The following AGAP3 variants were observed in gnomAD, a reference collection of about 807,000 sequenced individuals.
The protein encoded by AGAP3 is ArfGAP with GTPase domain, ankyrin repeat and PH domain 3, also known as arf-GAP with GTPase, ANK repeat and PH domain-containing protein 3.
AGAP3 carries 24 observed loss-of-function variants against 96.9 expected under a neutral mutation model. That is an observed-to-expected ratio of 0.25 (90% CI 0.18 to 0.35). The LOEUF (loss-of-function observed/expected upper bound fraction) is 0.35. Among genes scored for constraint, AGAP3 ranks in the 10% least tolerant of loss-of-function variants. The pLI, the probability that AGAP3 is intolerant of heterozygous loss-of-function variation, is 1.00. For synonymous variants in AGAP3, 563 were observed against 536.1 expected (o/e 1.05, Z -0.69); for missense variants, 876 against 1,254.2 (o/e 0.70, Z 4.55).
chr7:151,111,744 C>T (rs915083185), intron 1 of AGAP3, among the ~76,000 whole-genome samples: 10 of 152,146 alleles, frequency 6.6e-5, no homozygotes, highest in African/African-American at 2.4e-4. Flanking sequence ...AGGCTGTGTT[C>T]GTCCTGCCCC....
intron 1 of AGAP3, among the ~76,000 whole-genome samples, chr7:151,107,310 CAA>C (rs1349995253): frequency 2.0e-4 from 14 of 70,008 alleles, no homozygotes; most frequent in Admixed American, 3.3e-4. Flanking sequence ...GACTCCGGCT[CAA>C]AAAAAAAAAA....
At chr7:151,117,603 T>A in intron 4 of AGAP3, 33 bp from the exon 5 acceptor site, 1 of 1,612,848 alleles carries the variant, frequency 6.2e-7, no homozygotes, top group Non-Finnish European at 8.5e-7. Context: ...CCAGGTCCAG[T>A]TGCGGGTGCT....
chr7:151,105,397 C>T lies in AGAP3; in HGVS notation c.332-11396C>T, dbSNP rs1340682979. Among the ~76,000 whole-genome samples, 3 of 152,148 alleles carry T rather than the reference C, an allele frequency of 2.0e-5. No homozygotes were observed. In the East Asian group the frequency reaches 5.8e-4, roughly 29 times the overall value. On this transcript the variant is annotated intron_variant, in intron 1 of 17. Transcript: ENST00000397238. ...CATTTTGTCATTATTTTGATATTTT[C>T]TTGCATTTTTTATACAGGTCCATAT... is the stretch of plus-strand genomic sequence containing the variant.
At chr7:151,089,077 C>T (rs977301009) in intron 1 of AGAP3, among the ~76,000 whole-genome samples, 3 of 152,156 alleles carry the variant, frequency 2.0e-5, no homozygotes, top group African/African-American at 7.2e-5. Flanking sequence ...CCTCCCTCCC[C>T]CCTGCCCAGC....
At chr7:151,117,900 G>A in intron 5 of AGAP3, 123 bp downstream of exon 5, 1 of 1,337,882 alleles carries the variant, frequency 7.5e-7, no homozygotes, top group Non-Finnish European at 9.9e-7. Context: ...GTGCTGACTG[G>A]GACCCTCAGC....
intron 1 of AGAP3, among the ~76,000 whole-genome samples, chr7:151,091,548 C>T (rs550142639): frequency 2.0e-5 from 3 of 152,282 alleles, no homozygotes; most frequent in South Asian, 2.1e-4. Flanking sequence ...CTGGAGAGAA[C>T]GACTCAGCCT....
intron 10 of AGAP3, among the ~76,000 whole-genome samples, chr7:151,130,418 C>T (rs1483991332): frequency 6.6e-6 from 1 of 152,102 alleles, no homozygotes; most frequent in African/African-American, 2.4e-5. Flanking sequence ...AAGACTTGGA[C>T]CCATGACTTT....
At chr7:151,102,663 C>T (rs528897152) in intron 1 of AGAP3, among the ~76,000 whole-genome samples, 41 of 151,540 alleles carry the variant, frequency 2.7e-4, no homozygotes, top group Middle Eastern at 3.4e-3. Flanking sequence ...CAGGCTGGAG[C>T]GCAGTGTCAT....
At chr7:151,098,737 T>TC (rs1191931296) in intron 1 of AGAP3, among the ~76,000 whole-genome samples, 3 of 147,824 alleles carry the variant, frequency 2.0e-5, no homozygotes, top group East Asian at 2.0e-4. Flanking sequence ...TCTTTTCTTT[T>TC]TTTTTTTTTT....
chr7:151,137,836 G>A (rs1800661528), intron 11 of AGAP3: 1 of 429,682 alleles, frequency 2.3e-6, no homozygotes, highest in Non-Finnish European at 4.1e-6. Flanking sequence ...GGCGATGGGT[G>A]TCAGCACCAC....
chr7:151,113,197 G>A (rs1034043936), intron 1 of AGAP3, among the ~76,000 whole-genome samples: 2 of 152,216 alleles, frequency 1.3e-5, no homozygotes, highest in Admixed American at 1.3e-4. Context: ...GCTCAGTGAC[G>A]TTGGCCGGCT....
At chr7:151,124,365 A>C (rs1199937468) in intron 9 of AGAP3, among the ~76,000 whole-genome samples, 1 of 152,160 alleles carries the variant, frequency 6.6e-6, no homozygotes, top group Non-Finnish European at 1.5e-5. Flanking sequence ...CCTCCTTTCT[A>C]GTCAGTCCTG....
At chr7:151,132,470 G>A (rs1800439029) in intron 10 of AGAP3, among the ~76,000 whole-genome samples, 1 of 152,230 alleles carries the variant, frequency 6.6e-6, no homozygotes, top group Non-Finnish European at 1.5e-5. Context: ...GGGAGTGTGG[G>A]CTCCTTCCTG....
Position 151,143,680 on chromosome 7 carries a change from A to C in AGAP3, c.2530-57A>C. 1 of 1,610,726 alleles carries C rather than the reference A, an allele frequency of 6.2e-7. No individual in the cohort carries two copies. The highest frequency in any genetic ancestry group is 8.5e-7 in the Non-Finnish European group (1 of 1,177,406). On this transcript the variant is annotated intron_variant, in intron 17 of 17. Coordinates refer to ENST00000397238, the MANE Select transcript of AGAP3 (RefSeq NM_031946.7). The surrounding 1 kb of genome is among the most constrained non-coding windows in gnomAD (Gnocchi z 5.9). ...AGCAACCTCTTCTTTCCTCCCCTACAACCAATCTCTCTCCTCCCATGTCTT... is the reference window on the plus strand; with the variant it reads ...AGCAACCTCTTCTTTCCTCCCCTACCACCAATCTCTCTCCTCCCATGTCTT...
intron 1 of AGAP3, among the ~76,000 whole-genome samples, chr7:151,088,934 T>TCGGCCTCACCCTCGTGAAATCC (rs1798266742): frequency 6.6e-6 from 1 of 152,122 alleles, no homozygotes. Flanking sequence ...GCCTGGAAGC[T>TCGGCCTCACCCTCGTGAAATCC]CGGCCTCACC....
At chr7:151,119,853 G>A (rs966456978) in intron 7 of AGAP3, 134 bp from the exon 8 acceptor site, 2 of 744,382 alleles carry the variant, frequency 2.7e-6, no homozygotes, top group Admixed American at 5.4e-5. Context: ...CATATCATCT[G>A]TAGGGGCTAG....
At position 151,086,909 on chromosome 7, in the gene AGAP3, G is replaced by A; in HGVS notation, c.168G>A (p.Gly56=). ...GCCCCTCGCAGCAGCTGGCCGGCGGGCCCCCCCAGCAGTTCGCGCTCTCCA... is the reference window on the plus strand; with the variant it reads ...GCCCCTCGCAGCAGCTGGCCGGCGGACCCCCCCAGCAGTTCGCGCTCTCCA... ...GGGPSQQLAG[G]PPQQFALSNS... is the part of the protein sequence containing the mutation. Residue 56 remains glycine, a synonymous_variant, in exon 1 of 18, where the codon GGG becomes GGA. Transcript: ENST00000397238. The A allele has an allele frequency of 6.7e-7, 1 of 1,482,300 alleles. No individual in the cohort carries two copies. The highest frequency in any genetic ancestry group is 1.4e-5 in the South Asian group (1 of 72,658). The allele number at this position is 1,482,300 out of a possible 1,614,324, so 91.8% of individuals were successfully genotyped here.
Position 151,142,702 on chromosome 7 carries a change from G to T in AGAP3, c.2273+68G>T. ...CGTTGGGGGCTCCCAGCATGGGGAA[G>T]ATTGGAGTGGCTGTGATGGTATTAG... On this transcript the variant is annotated intron_variant, in intron 16 of 17. Coordinates refer to ENST00000397238, the MANE Select transcript of AGAP3 (RefSeq NM_031946.7). This position sits in a 1 kb window ranked among gnomAD's most constrained non-coding sequence, Gnocchi z 7.5. 6.6e-7 allele frequency: 1 copy of T among 1,505,722 alleles called. No homozygotes were observed. Among genetic ancestry groups the T allele is most frequent in the Non-Finnish European group, 9.1e-7 (1 of 1,099,942 alleles). 93.3% of individuals were successfully genotyped at this position (1,505,722 alleles called of 1,614,324 possible).
intron 1 of AGAP3, among the ~76,000 whole-genome samples, chr7:151,109,768 T>C (rs1290694837): frequency 6.6e-6 from 1 of 152,248 alleles, no homozygotes; most frequent in African/African-American, 2.4e-5. Context: ...GAGGGGGAGC[T>C]GCTAAGGTTT....
Sources: gnomAD v4.1 joint callset for allele counts (sites outside exome capture counted in the v4.1 genomes callset) on GRCh38, gnomAD v4.1.1 for gene constraint, Gnocchi (gnomAD v3.1) non-coding constraint, MANE v1.5 for transcripts, NCBI Gene and HGNC (gene_info 2026-07-23, HGNC 2026-07-21) for gene names.